Variants in CKMT2 observed in about 807,000 individuals in gnomAD.
The protein encoded by CKMT2 is creatine kinase S-type, mitochondrial.
CKMT2 carries 43 observed loss-of-function variants against 48.9 expected under a neutral mutation model. The ratio of observed to expected loss-of-function variants is 0.88; its 90% confidence interval spans 0.69 to 1.13. CKMT2 has a LOEUF of 1.13. Among genes scored for constraint, CKMT2 ranks in the 50% most tolerant of loss-of-function variants. CKMT2 has a pLI of 0.00. For missense variants in CKMT2, 472 were observed against 555.4 expected (o/e 0.85, Z 1.51); for synonymous variants, 206 against 213.0 (o/e 0.97, Z 0.29).
chr5:81,259,388 A>T (rs1289734204), intron 8 of CKMT2, 134 bp downstream of exon 8: 1 of 817,884 alleles, frequency 1.2e-6, no homozygotes, highest in Non-Finnish European at 1.8e-6. Flanking sequence ...TAAGAAAAAA[A>T]TTAAGTTTGC....
In CKMT2 at chr5:81,253,010, G is replaced by T. The variant is rs1473257322; in HGVS notation, c.351+117G>T. 3.5e-6 allele frequency: 4 copies of T among 1,143,058 alleles called. No individual in the cohort carries two copies. In the East Asian group the frequency reaches 9.4e-5, roughly 27 times the overall value. The allele number at this position is 1,143,058 out of a possible 1,614,324, so 70.8% of individuals were successfully genotyped here. On this transcript the variant is annotated intron_variant, in intron 3 of 9. Transcript: ENST00000254035. ...GCCAACTTTCTGCCTTCTCAGGAAG[G>T]GCTCTCATAAAGGGAAGCCAGCTCC...
intron 1 of CKMT2, among the ~76,000 whole-genome samples, chr5:81,236,704 T>C (rs1244021818): frequency 6.6e-6 from 1 of 152,172 alleles, no homozygotes; most frequent in Non-Finnish European, 1.5e-5. Flanking sequence ...TTGGAGACAC[T>C]GTTGGAGGGG....
intron 1 of CKMT2, among the ~76,000 whole-genome samples, chr5:81,234,754 G>A (rs556487576): frequency 6.6e-6 from 1 of 152,132 alleles, no homozygotes; most frequent in Admixed American, 6.5e-5. Context: ...GGTTGGGTCG[G>A]GGGGAGTACC....
At chr5:81,255,310 T>A in intron 5 of CKMT2, 96 bp downstream of exon 5, 1 of 1,112,308 alleles carries the variant, frequency 9.0e-7, no homozygotes, top group Non-Finnish European at 1.3e-6. Flanking sequence ...GTCCTTACCC[T>A]AGCTGGGAGC....
chr5:81,264,494 A>G (rs1757329362), intron 9 of CKMT2, among the ~76,000 whole-genome samples: 1 of 152,176 alleles, frequency 6.6e-6, no homozygotes, highest in East Asian at 1.9e-4. Context: ...ACTGAGGAAA[A>G]GGAAAGGAAG....
At chr5:81,240,685 T>A (rs1320213082) in intron 1 of CKMT2, among the ~76,000 whole-genome samples, 6 of 152,202 alleles carry the variant, frequency 3.9e-5, no homozygotes, top group Non-Finnish European at 8.8e-5. Context: ...GATTTCCCTT[T>A]AGCTGTGTGA....
chr5:81,255,086 A>C lies in CKMT2; in HGVS notation c.541A>C (p.Thr181Pro), dbSNP rs1180232971. The change falls in exon 5 of 10, where the codon ACC becomes CCC. Residue 181 changes from threonine (T) to proline (P), a missense_variant. Physicochemically the swap from Thr to Pro is conservative, Grantham distance 38. Coordinates refer to ENST00000254035, the MANE Select transcript of CKMT2 (RefSeq NM_001099735.2). ...TGGGCTGAGCCTGCCTCCAGCCTGC[A>C]CCCGGGCCGAGCGAAGGGAGGTAGA... ...IRGLSLPPACTRAERREVENV... is the reference protein window; with the variant it reads ...IRGLSLPPACPRAERREVENV... 6.2e-7 allele frequency: 1 copy of C among 1,613,842 alleles called. No individual in the cohort carries two copies. Among genetic ancestry groups the C allele is most frequent in the Non-Finnish European group, 8.5e-7 (1 of 1,179,984 alleles).
intron 8 of CKMT2, among the ~76,000 whole-genome samples, chr5:81,259,665 T>G (rs1757140968): frequency 6.6e-6 from 1 of 152,150 alleles, no homozygotes; most frequent in Non-Finnish European, 1.5e-5. Flanking sequence ...TCTAACAAGT[T>G]TCCAGGTGAT....
intron 1 of CKMT2, chr5:81,244,001 G>A: frequency 1.0e-6 from 1 of 983,524 alleles, no homozygotes; most frequent in Non-Finnish European, 1.2e-6. Context: ...TCCCTAATAT[G>A]ATCTTATTTA....
chr5:81,250,188 G>C (rs1443917284), intron 1 of CKMT2, among the ~76,000 whole-genome samples: 6 of 152,054 alleles, frequency 3.9e-5, no homozygotes, highest in Non-Finnish European at 8.8e-5. Context: ...AATTTCTTAA[G>C]CTATATCTTC....
rs1337856692 is a variant in CKMT2 at position 81,256,309 on chromosome 5, GGTT to G, written c.670-602_670-600del. Among the ~76,000 whole-genome samples, 8 of 120,532 alleles carry G rather than the reference GGTT, an allele frequency of 6.6e-5. No individual in the cohort carries two copies. The Admixed American group carries it at 7.7e-4, about 12-fold the overall frequency. 79.1% of individuals were successfully genotyped at this position (120,532 alleles called of 152,430 possible). On this transcript the variant is annotated intron_variant, in intron 5 of 9. Coordinates refer to ENST00000254035, the MANE Select transcript of CKMT2 (RefSeq NM_001099735.2). Reference sequence around the variant, plus strand: ...CTTCCTACAACCATCCTATTGGACAGGTTGTTTGATCTCTCTGAATCTGTTTTC... The same window carrying G: ...CTTCCTACAACCATCCTATTGGACAGGTTTGATCTCTCTGAATCTGTTTTC...
chr5:81,256,417 C>T (rs1020905466), intron 5 of CKMT2, among the ~76,000 whole-genome samples: 2 of 152,156 alleles, frequency 1.3e-5, no homozygotes, highest in Admixed American at 6.5e-5. Flanking sequence ...TAGAGCCTGG[C>T]ACAGTCAGCA....
At chr5:81,246,871 G>C (rs1002017152) in intron 1 of CKMT2, 29 of 152,228 alleles carry the variant, frequency 1.9e-4, no homozygotes, top group African/African-American at 6.8e-4. Context: ...CTGGAAGAAG[G>C]GTCCTTGTGG....
chr5:81,250,829 T>C (rs1234558179), intron 1 of CKMT2: 2 of 195,534 alleles, frequency 1.0e-5, no homozygotes, highest in East Asian at 2.5e-4. Context: ...TTTTTTATCA[T>C]AGCATATTAA....
chr5:81,251,006 C>T, intron 1 of CKMT2, 107 bp from the exon 2 acceptor site: 1 of 710,198 alleles, frequency 1.4e-6, no homozygotes, highest in Non-Finnish European at 2.3e-6. Flanking sequence ...GACAGAGACA[C>T]CGGAAAGAGA....
At chr5:81,262,800 CCATTT>C (rs1411572948) in intron 8 of CKMT2, among the ~76,000 whole-genome samples, 1 of 152,180 alleles carries the variant, frequency 6.6e-6, no homozygotes, top group Non-Finnish European at 1.5e-5. Flanking sequence ...ACCAGAAATA[CCATTT>C]GACCCAGCCA....
Position 81,266,342 on chromosome 5 carries a change from GAAAAAT to G in CKMT2, c.*86_*91del, listed in dbSNP as rs988658623. On this transcript the variant is annotated 3_prime_UTR_variant, in exon 10 of 10. Coordinates refer to ENST00000254035, the MANE Select transcript of CKMT2 (RefSeq NM_001099735.2). ...TACTCTGAGAGTTTTTATACACTTG[GAAAAAT>G]ATAAAATTGTAGATCCTGCCTATCT... 7.5e-7 allele frequency: 1 copy of G among 1,325,986 alleles called. No individual in the cohort carries two copies. Among genetic ancestry groups the G allele is most frequent in the African/African-American group, 1.5e-5 (1 of 67,922 alleles). 82.1% of individuals were successfully genotyped at this position (1,325,986 alleles called of 1,614,324 possible).
chr5:81,252,655 G>C, intron 2 of CKMT2, 40 bp from the exon 3 acceptor site: 1 of 1,606,482 alleles, frequency 6.2e-7, no homozygotes, highest in Non-Finnish European at 8.5e-7. Context: ...CCCTTTCCTC[G>C]GGGGCTGCTG....
chr5:81,261,716 C>T (rs1171712803), intron 8 of CKMT2, among the ~76,000 whole-genome samples: 4 of 152,194 alleles, frequency 2.6e-5, no homozygotes, highest in East Asian at 1.9e-4. Context: ...AATGGAAAAA[C>T]GTTCCATGCT....
Sources: allele counts gnomAD v4.1 joint callset (sites outside exome capture counted in the v4.1 genomes callset), GRCh38; gene constraint gnomAD v4.1.1; transcripts MANE v1.5; gene names NCBI Gene and HGNC (gene_info 2026-07-23, HGNC 2026-07-21).